The following PDE1C variants were observed in gnomAD, a reference collection of about 807,000 sequenced individuals.
PDE1C encodes the protein phosphodiesterase 1C.
Under a neutral mutation model 93.1 loss-of-function variants are expected in PDE1C, and 62 were observed. The ratio of observed to expected loss-of-function variants is 0.67; its 90% confidence interval spans 0.54 to 0.82. The LOEUF is 0.82. Among genes scored for constraint, PDE1C ranks in the 40% least tolerant of loss-of-function variants. The pLI is 0.00. For missense variants in PDE1C, 742 were observed against 884.6 expected, an observed-to-expected ratio of 0.84 and a Z score of 2.04; for synonymous variants, 325 against 310.1, an observed-to-expected ratio of 1.05 and a Z score of -0.50.
At chr7:32,418,191 C>T (rs757888496) in intron 1 of PDE1C, among the ~76,000 whole-genome samples, 21 of 152,132 alleles carry the variant, frequency 1.4e-4, no homozygotes, top group Non-Finnish European at 3.1e-4. Flanking sequence ...TGGTCTTCCC[C>T]ACATACTATT....
chr7:32,284,601 A>G (rs1811881182), intron 1 of PDE1C, among the ~76,000 whole-genome samples: 1 of 152,072 alleles, frequency 6.6e-6, no homozygotes, highest in South Asian at 2.1e-4. Flanking sequence ...CACATATCAC[A>G]CTACTCTTAT....
At chr7:32,387,579 G>C in intron 1 of PDE1C, among the ~76,000 whole-genome samples, 1 of 147,430 alleles carries the variant, frequency 6.8e-6, no homozygotes, top group East Asian at 2.0e-4. Flanking sequence ...AGGGGCGGCC[G>C]GGCAGAGGCG....
intron 2 of PDE1C, among the ~76,000 whole-genome samples, chr7:31,944,436 G>A (rs996653877): frequency 6.6e-6 from 1 of 152,254 alleles, no homozygotes; most frequent in Admixed American, 6.5e-5. Context: ...CCTGAGGGTG[G>A]GCAGGTGAGA....
intron 1 of PDE1C, among the ~76,000 whole-genome samples, chr7:32,339,075 T>C (rs1206739853): frequency 1.3e-5 from 2 of 150,614 alleles, no homozygotes; most frequent in African/African-American, 2.5e-5. Flanking sequence ...TAAGTATTCA[T>C]CAACAAACAG....
intron 1 of PDE1C, among the ~76,000 whole-genome samples, chr7:32,296,639 A>C (rs1812619388): frequency 6.6e-6 from 1 of 152,202 alleles, no homozygotes; most frequent in Admixed American, 6.5e-5. Flanking sequence ...ACAGAAAGGG[A>C]AAATGTCAGG....
At chr7:32,039,016 C>G (rs1191639263) in intron 2 of PDE1C, among the ~76,000 whole-genome samples, 1 of 152,096 alleles carries the variant, frequency 6.6e-6, no homozygotes, top group East Asian at 1.9e-4. Flanking sequence ...TTAGCAATAA[C>G]TGTGCTCATG....
At chr7:32,193,806 T>A (rs552619792) in intron 2 of PDE1C, among the ~76,000 whole-genome samples, 25 of 152,226 alleles carry the variant, frequency 1.6e-4, no homozygotes, top group African/African-American at 5.8e-4. Context: ...GACAGCTTTT[T>A]ATTACATACT....
the PDE1C span, among the ~76,000 whole-genome samples, chr7:31,725,084 A>C: frequency 6.6e-6 from 1 of 152,126 alleles, no homozygotes; most frequent in South Asian, 2.1e-4. Context: ...GTCTGGGAAA[A>C]GTGTAAGCCT....
intron 16 of PDE1C, among the ~76,000 whole-genome samples, chr7:31,799,488 C>T (rs367581105): frequency 6.6e-6 from 1 of 151,692 alleles, no homozygotes; most frequent in South Asian, 2.1e-4. Context: ...CTTAAAAGCT[C>T]AGAGTCATCC....
chr7:32,194,473 T>C (rs1010155250), intron 2 of PDE1C, among the ~76,000 whole-genome samples: 1 of 152,240 alleles, frequency 6.6e-6, no homozygotes, highest in Non-Finnish European at 1.5e-5. Flanking sequence ...ATTTTCCAAC[T>C]GTATTGTTTG....
At chr7:32,070,187 T>C in intron 1 of PDE1C, 106 bp downstream of exon 1, 1 of 1,557,232 alleles carries the variant, frequency 6.4e-7, no homozygotes, top group South Asian at 1.2e-5. Context: ...AGGGTTGTAT[T>C]TAAAGGCCCA....
At chr7:32,035,725 G>A (rs557689793) in intron 2 of PDE1C, among the ~76,000 whole-genome samples, 2 of 152,240 alleles carry the variant, frequency 1.3e-5, no homozygotes, top group South Asian at 4.1e-4. Flanking sequence ...ATGCATCTGA[G>A]AGTTTTCATC....
At chr7:31,728,331 A>C in the PDE1C span, among the ~76,000 whole-genome samples, 1 of 152,170 alleles carries the variant, frequency 6.6e-6, no homozygotes, top group African/African-American at 2.4e-5. Flanking sequence ...GCATTTCTCT[A>C]ATGGGTGAAG....
intron 11 of PDE1C, among the ~76,000 whole-genome samples, chr7:31,833,684 C>T (rs1374601498): frequency 6.6e-6 from 1 of 152,116 alleles, no homozygotes; most frequent in Non-Finnish European, 1.5e-5. Flanking sequence ...AGGGAAATGA[C>T]TTAGGGTATC....
chr7:31,644,662 A>AT, the PDE1C span, among the ~76,000 whole-genome samples: 1 of 152,212 alleles, frequency 6.6e-6, no homozygotes, highest in African/African-American at 2.4e-5. Context: ...CTAGCCCTTG[A>AT]TTAATCAGTA....
chr7:32,372,587 T>C (rs1784352914), intron 1 of PDE1C, among the ~76,000 whole-genome samples: 1 of 152,144 alleles, frequency 6.6e-6, no homozygotes, highest in Non-Finnish European at 1.5e-5. Flanking sequence ...CCTTCTTAGA[T>C]ATGACACCAA....
intron 2 of PDE1C, among the ~76,000 whole-genome samples, chr7:32,032,985 A>AC (rs1405123559): frequency 6.6e-6 from 1 of 152,164 alleles, no homozygotes; most frequent in East Asian, 1.9e-4. Context: ...CAGACCATGA[A>AC]CTGGAGATCA....
At chr7:31,820,646 T>C (rs566841267) in intron 14 of PDE1C, 1 of 152,164 alleles carries the variant, frequency 6.6e-6, no homozygotes, top group Middle Eastern at 3.4e-3. Context: ...CAGGGTCATC[T>C]GGAAAAAAAG....
intron 7 of PDE1C, among the ~76,000 whole-genome samples, chr7:31,858,504 T>C (rs1794289444): frequency 6.6e-6 from 1 of 152,080 alleles, no homozygotes; most frequent in Non-Finnish European, 1.5e-5. Flanking sequence ...GATTTGGGGA[T>C]TGTTTGATCC....
Sources: gnomAD v4.1 joint callset for allele counts (sites outside exome capture counted in the v4.1 genomes callset) on GRCh38, gnomAD v4.1.1 for gene constraint, MANE v1.5 for transcripts, NCBI Gene and HGNC (gene_info 2026-07-23, HGNC 2026-07-21) for gene names.